The following TMEM117 variants were observed in gnomAD, a reference collection of about 807,000 sequenced individuals.
TMEM117 encodes transmembrane protein 117.
Under a neutral mutation model 52.4 loss-of-function variants are expected in TMEM117, and 27 were observed. The ratio of observed to expected loss-of-function variants is 0.51; its 90% CI spans 0.38 to 0.71. The LOEUF is 0.71. Among genes scored for constraint, TMEM117 ranks in the 30% least tolerant of loss-of-function variants. The pLI, the probability that TMEM117 is intolerant of heterozygous loss-of-function variation, is 0.00. For synonymous variants in TMEM117, 215 were observed against 206.3 expected, an observed-to-expected ratio of 1.04 and a Z score of -0.36; for missense variants, 556 against 630.5, an observed-to-expected ratio of 0.88 and a Z score of 1.26.
intron 5 of TMEM117, among the ~76,000 whole-genome samples, chr12:44,260,502 A>G (rs752758042): frequency 7.2e-5 from 11 of 152,324 alleles, no homozygotes; most frequent in Non-Finnish European, 1.6e-4. Context: ...AATATCCTCT[A>G]TTTTTAATCC....
chr12:44,135,651 AAGG>A (rs1274519827), intron 3 of TMEM117, among the ~76,000 whole-genome samples: 8 of 152,126 alleles, frequency 5.3e-5, no homozygotes, highest in African/African-American at 7.2e-5. Flanking sequence ...AGGGAAGAAG[AAGG>A]AGGAGGAGAG....
rs192610726 is a variant in TMEM117 at position 43,896,603 on chromosome 12, T to C, written c.278-47607T>C. On this transcript the variant is annotated intron_variant, in intron 2 of 7. Coordinates refer to ENST00000266534, the MANE Select transcript of TMEM117 (RefSeq NM_032256.3). The stretch of plus-strand genomic sequence containing the variant: ...TTGGATTCATTGTAACAGTCACTTC[T>C]AGGTTGCCTGAAATAAACACATTTT... Among the ~76,000 whole-genome samples the C allele has an allele frequency of 4.9e-5, 7 of 142,676 alleles. No individual in the cohort carries two copies. In the Admixed American group the frequency reaches 5.3e-4, roughly 11 times the overall value. 93.6% of individuals were successfully genotyped at this position (142,676 alleles called of 152,430 possible). A position where few individuals can be genotyped will look rare whatever the true frequency, so the allele number is the denominator to read the frequency against.
At chr12:44,243,559 C>T (rs768561597) in intron 5 of TMEM117, among the ~76,000 whole-genome samples, 5 of 151,824 alleles carry the variant, frequency 3.3e-5, no homozygotes, top group Admixed American at 2.0e-4. Flanking sequence ...GATACACACA[C>T]GTATATCATA....
At chr12:44,333,127 A>C (rs1018655103) in intron 6 of TMEM117, among the ~76,000 whole-genome samples, 5 of 151,990 alleles carry the variant, frequency 3.3e-5, no homozygotes, top group Non-Finnish European at 5.9e-5. Flanking sequence ...CAATTTATAG[A>C]TCTCTCACCA....
intron 4 of TMEM117, among the ~76,000 whole-genome samples, chr12:44,186,607 T>TA (rs1302365098): frequency 1.3e-5 from 2 of 152,112 alleles, no homozygotes; most frequent in Non-Finnish European, 2.9e-5. Flanking sequence ...AGCATATGTT[T>TA]AAAAAATCTA....
intron 5 of TMEM117, among the ~76,000 whole-genome samples, chr12:44,286,115 A>G (rs1950634728): frequency 6.6e-6 from 1 of 152,050 alleles, no homozygotes; most frequent in Non-Finnish European, 1.5e-5. Flanking sequence ...AAACTGATAC[A>G]TTATTTGACT....
At chr12:44,095,549 A>G (rs1947743808) in intron 3 of TMEM117, among the ~76,000 whole-genome samples, 1 of 152,108 alleles carries the variant, frequency 6.6e-6, no homozygotes, top group Non-Finnish European at 1.5e-5. Flanking sequence ...GTGTATTAGT[A>G]CAGAAGTGAG....
the TMEM117 span, among the ~76,000 whole-genome samples, chr12:43,810,303 C>G: frequency 1.3e-5 from 2 of 152,162 alleles, no homozygotes; most frequent in Non-Finnish European, 2.9e-5. Context: ...TTGCAAATCA[C>G]TTTGAACATA....
intron 3 of TMEM117, among the ~76,000 whole-genome samples, chr12:43,999,521 C>T (rs2038112100): frequency 6.6e-6 from 1 of 152,100 alleles, no homozygotes; most frequent in South Asian, 2.1e-4. Context: ...GCTGTGTTGC[C>T]CGGGCTGGAG....
At chr12:44,136,760 G>A (rs1262788146) in intron 3 of TMEM117, among the ~76,000 whole-genome samples, 3 of 151,994 alleles carry the variant, frequency 2.0e-5, no homozygotes, top group Non-Finnish European at 4.4e-5. Flanking sequence ...TAAATTTACA[G>A]CATGTGTTGC....
intron 3 of TMEM117, among the ~76,000 whole-genome samples, chr12:43,969,150 G>A (rs1204756726): frequency 6.6e-6 from 1 of 151,878 alleles, no homozygotes; most frequent in Non-Finnish European, 1.5e-5. Context: ...TTGCTGTCAA[G>A]AAAAGATAGA....
intron 5 of TMEM117, among the ~76,000 whole-genome samples, chr12:44,242,198 T>G (rs1950071397): frequency 6.6e-6 from 1 of 151,756 alleles, no homozygotes; most frequent in South Asian, 2.1e-4. Context: ...GGTAAACTCA[T>G]GTCATGGGGG....
intron 2 of TMEM117, among the ~76,000 whole-genome samples, chr12:43,942,765 C>CTATG (rs1565761465): frequency 2.0e-5 from 3 of 152,046 alleles, no homozygotes; most frequent in African/African-American, 7.2e-5. Flanking sequence ...TTATTTCTTC[C>CTATG]TATGCTCAGT....
chr12:43,982,357 T>C (rs2137724295), intron 3 of TMEM117, among the ~76,000 whole-genome samples: 1 of 152,266 alleles, frequency 6.6e-6, no homozygotes, highest in Admixed American at 6.5e-5. Context: ...GACAGCAGGT[T>C]CTAATGTATC....
At chr12:44,372,399 C>T (rs1476585615) in intron 6 of TMEM117, among the ~76,000 whole-genome samples, 1 of 152,066 alleles carries the variant, frequency 6.6e-6, no homozygotes, top group African/African-American at 2.4e-5. Context: ...GTATATAAAA[C>T]TGGCTATACA....
At chr12:44,235,215 G>A (rs1271793617) in intron 5 of TMEM117, among the ~76,000 whole-genome samples, 4 of 151,448 alleles carry the variant, frequency 2.6e-5, no homozygotes, top group Non-Finnish European at 5.9e-5. Flanking sequence ...TGACTTTAAA[G>A]TCTGTTTTGT....
chr12:44,210,193 A>G (rs1949626532), intron 4 of TMEM117, among the ~76,000 whole-genome samples: 1 of 152,146 alleles, frequency 6.6e-6, no homozygotes, highest in Non-Finnish European at 1.5e-5. Flanking sequence ...TTAAAATCAT[A>G]AGTAATGGAA....
At chr12:44,101,082 G>T (rs1485954474) in intron 3 of TMEM117, among the ~76,000 whole-genome samples, 1 of 151,940 alleles carries the variant, frequency 6.6e-6, no homozygotes, top group African/African-American at 2.4e-5. Context: ...AAAGGAAAAG[G>T]CAGCTCTCTG....
At chr12:43,889,266 A>G (rs1174653122) in intron 2 of TMEM117, among the ~76,000 whole-genome samples, 25 of 152,054 alleles carry the variant, frequency 1.6e-4, no homozygotes, top group Admixed American at 1.6e-3. Flanking sequence ...TATTTTTAGT[A>G]AAGACGGGGT....
Sources: gnomAD v4.1 joint callset for allele counts (sites outside exome capture counted in the v4.1 genomes callset) on GRCh38, gnomAD v4.1.1 for gene constraint, MANE v1.5 for transcripts, NCBI Gene and HGNC (gene_info 2026-07-23, HGNC 2026-07-21) for gene names.